Variants in ELMO1 observed in about 807,000 individuals in gnomAD.
ELMO1 encodes engulfment and cell motility 1.
In ELMO1, 26 loss-of-function variants were observed where a neutral mutation model predicts 98.9. The ratio of observed to expected loss-of-function variants is 0.26; its 90% CI spans 0.19 to 0.36. The LOEUF is 0.36. Among genes scored for constraint, ELMO1 ranks in the 10% least tolerant of loss-of-function variants. The probability of loss-of-function intolerance (pLI) is 1.00; values close to 1 mark genes in which losing one functional copy is unlikely to be tolerated. For synonymous variants in ELMO1, 346 were observed against 346.0 expected (o/e 1.00, Z 0.00); for missense variants, 627 against 935.2 (o/e 0.67, Z 4.30).
chr7:37,271,792 CAA>C (rs1562570980), intron 5 of ELMO1, 38 bp downstream of exon 5: 1 of 1,604,788 alleles, frequency 6.2e-7, no homozygotes, highest in Admixed American at 1.7e-5. Context: ...AAACGCAGAG[CAA>C]AGAGTTTGCT....
At chr7:37,347,532 CTTA>C (rs1199818993) in intron 1 of ELMO1, among the ~76,000 whole-genome samples, 5 of 151,860 alleles carry the variant, frequency 3.3e-5, no homozygotes, top group Non-Finnish European at 5.9e-5. Flanking sequence ...TATTCTTATT[CTTA>C]TTCTTATAAT....
chr7:37,413,475 T>C (rs1804078941), intron 1 of ELMO1, among the ~76,000 whole-genome samples: 1 of 152,136 alleles, frequency 6.6e-6, no homozygotes, highest in South Asian at 2.1e-4. Flanking sequence ...AAGAAGAAAA[T>C]ACCAGTTGGT....
chr7:37,432,504 T>G (rs1583754087), intron 1 of ELMO1, among the ~76,000 whole-genome samples: 1 of 152,332 alleles, frequency 6.6e-6, no homozygotes, highest in East Asian at 1.9e-4. Context: ...GCTCTGCACT[T>G]GAACATCAGG....
At chr7:37,073,961 A>C (rs538157591) in intron 15 of ELMO1, among the ~76,000 whole-genome samples, 4 of 151,220 alleles carry the variant, frequency 2.6e-5, no homozygotes, top group African/African-American at 9.7e-5. Flanking sequence ...ATTTTGTGTG[A>C]TATTTTAGGA....
chr7:37,152,546 T>C (rs1788436094), intron 13 of ELMO1, among the ~76,000 whole-genome samples: 1 of 151,808 alleles, frequency 6.6e-6, no homozygotes, highest in African/African-American at 2.4e-5. Context: ...AATGATCAAA[T>C]ATACCTATGT....
intron 15 of ELMO1, among the ~76,000 whole-genome samples, chr7:37,056,031 T>C (rs529418241): frequency 3.3e-5 from 5 of 152,166 alleles, no homozygotes; most frequent in Admixed American, 1.3e-4. Context: ...ACAAGAGAAA[T>C]GTAAAGGCAG....
At chr7:37,363,195 G>C (rs1882068) in intron 1 of ELMO1, among the ~76,000 whole-genome samples, 140,877 of 151,998 alleles carry the variant, frequency 0.93, 65,689 homozygotes, top group East Asian at 1. Flanking sequence ...GTCCTTCACA[G>C]TCCTTCTCCC....
At position 36,984,963 on chromosome 7, in the gene ELMO1, C is replaced by T. The variant is rs1017630816; in HGVS notation, c.1437+28336G>A. 21 of 985,270 alleles carry T rather than the reference C, an allele frequency of 2.1e-5. No homozygotes were observed. The South Asian group carries it at 2.3e-4, about 11-fold the overall frequency. 61.0% of individuals were successfully genotyped at this position (985,270 alleles called of 1,614,324 possible). ...ATTATAACTCGTCTGGAATCCTGCT[C>T]GGTGCTTGGGTTGCATCTTGCCACA... is the stretch of plus-strand genomic sequence containing the variant. On this transcript the variant is annotated intron_variant, in intron 16 of 21. Coordinates refer to ENST00000310758, the MANE Select transcript of ELMO1 (RefSeq NM_014800.11).
At chr7:37,401,353 C>G (rs1190504718) in intron 1 of ELMO1, among the ~76,000 whole-genome samples, 3 of 152,170 alleles carry the variant, frequency 2.0e-5, no homozygotes, top group Admixed American at 6.5e-5. Context: ...GCAGGAAGGT[C>G]ACTCTTACCT....
At chr7:36,918,972 CTTCA>C (rs59162769) in intron 16 of ELMO1, among the ~76,000 whole-genome samples, 38,708 of 151,710 alleles carry the variant, frequency 0.26, 5,072 homozygotes, top group South Asian at 0.31. Context: ...GCAAGCATGC[CTTCA>C]TTCATTCATT....
At chr7:37,394,249 G>A (rs1443734757) in intron 1 of ELMO1, among the ~76,000 whole-genome samples, 1 of 152,156 alleles carries the variant, frequency 6.6e-6, no homozygotes, top group Admixed American at 6.5e-5. Flanking sequence ...AGGTGGAGGG[G>A]GAAGCAGTCC....
intron 1 of ELMO1, among the ~76,000 whole-genome samples, chr7:37,364,274 C>G (rs1801810798): frequency 6.6e-6 from 1 of 152,194 alleles, no homozygotes; most frequent in Non-Finnish European, 1.5e-5. Context: ...CAGAGAGACA[C>G]AGGGGACCCT....
chr7:36,982,465 TACTTA>T (rs1791148445), intron 16 of ELMO1, among the ~76,000 whole-genome samples: 1 of 152,236 alleles, frequency 6.6e-6, no homozygotes, highest in African/African-American at 2.4e-5. Context: ...TAAAATCACA[TACTTA>T]ACTTGCATCA....
At chr7:36,951,960 G>A (rs1787998790) in intron 16 of ELMO1, among the ~76,000 whole-genome samples, 1 of 152,208 alleles carries the variant, frequency 6.6e-6, no homozygotes, top group South Asian at 2.1e-4. Flanking sequence ...GCCAAAGCAA[G>A]GGACTCTGAA....
intron 13 of ELMO1, among the ~76,000 whole-genome samples, chr7:37,140,388 A>T (rs998203156): frequency 1.3e-5 from 2 of 151,842 alleles, no homozygotes; most frequent in African/African-American, 4.8e-5. Context: ...TCCGTCTCAA[A>T]AAAAAAAAAG....
At chr7:37,198,753 G>T (rs1311787573) in intron 13 of ELMO1, among the ~76,000 whole-genome samples, 1 of 152,244 alleles carries the variant, frequency 6.6e-6, no homozygotes, top group African/African-American at 2.4e-5. Flanking sequence ...TGCAAAGAAA[G>T]GATGCCAAGG....
At chr7:36,911,574 G>A (rs963267144) in intron 16 of ELMO1, among the ~76,000 whole-genome samples, 1 of 152,174 alleles carries the variant, frequency 6.6e-6, no homozygotes, top group Admixed American at 6.5e-5. Flanking sequence ...TCTTTAAGCA[G>A]GTTTATAAAT....
At chr7:37,163,324 A>T (rs1475887907) in intron 13 of ELMO1, among the ~76,000 whole-genome samples, 1 of 128,276 alleles carries the variant, frequency 7.8e-6, no homozygotes, top group African/African-American at 2.9e-5. Flanking sequence ...ATTATAGGGT[A>T]TAAGCCAGTG....
rs544144748 is a variant in ELMO1, at chr7:37,336,645, G to GAAT, written c.78+5967_78+5968insATT. Among the ~76,000 whole-genome samples, 529 of 152,300 alleles carry GAAT rather than the reference G, an allele frequency of 3.5e-3. 2 individuals carry two copies. Among genetic ancestry groups the GAAT allele is most frequent in the Non-Finnish European group, 4.3e-3 (292 of 68,022 alleles). ...ACAGGGAGGAAGAATCTCAGGCACT[G>GAAT]AAGCTAGAGGAAGGAAGGGAGAGTT... On this transcript the variant is annotated intron_variant, in intron 2 of 21. Coordinates refer to ENST00000310758, the MANE Select transcript of ELMO1 (RefSeq NM_014800.11).
Sources: allele counts gnomAD v4.1 joint callset (sites outside exome capture counted in the v4.1 genomes callset), GRCh38; gene constraint gnomAD v4.1.1; transcripts MANE v1.5; gene names NCBI Gene and HGNC (gene_info 2026-07-23, HGNC 2026-07-21).